Variants in LRP1B observed in about 807,000 individuals in gnomAD.
LRP1B encodes the protein LDL receptor related protein 1B.
LRP1B carries 217 observed loss-of-function variants against 556.6 expected under a neutral mutation model. That is an observed-to-expected ratio of 0.39 (90% CI 0.35 to 0.44). The LOEUF is 0.44. LRP1B is among the 20% of genes least tolerant of loss of function. LRP1B has a pLI of 1.00. For synonymous variants in LRP1B, 2,047 were observed against 1,865.8 expected, an observed-to-expected ratio of 1.10 and a Z score of -2.50; for missense variants, 5,053 against 5,620.8, an observed-to-expected ratio of 0.90 and a Z score of 3.23.
At chr2:141,586,640 A>T (rs1010683903) in intron 2 of LRP1B, among the ~76,000 whole-genome samples, 2 of 152,100 alleles carry the variant, frequency 1.3e-5, no homozygotes, top group African/African-American at 4.8e-5. Flanking sequence ...AATTCCAAGT[A>T]TGCATTAAAG....
At chr2:141,400,699 G>GT (rs1364105113) in intron 3 of LRP1B, among the ~76,000 whole-genome samples, 4 of 152,060 alleles carry the variant, frequency 2.6e-5, no homozygotes, top group Non-Finnish European at 4.4e-5. Flanking sequence ...TAAAAAATCA[G>GT]TATCTTTTTA....
intron 1 of LRP1B, among the ~76,000 whole-genome samples, chr2:141,945,931 GATTTATTTATTTATTT>G (rs140141783): frequency 6.6e-6 from 1 of 150,920 alleles, no homozygotes; most frequent in Non-Finnish European, 1.5e-5. Context: ...AAACCAGCAG[GATTTATTTATTTATTT>G]ATTTATTTAT....
chr2:141,076,709 T>C (rs2104872010), intron 7 of LRP1B, among the ~76,000 whole-genome samples: 1 of 152,320 alleles, frequency 6.6e-6, no homozygotes, highest in Middle Eastern at 3.4e-3. Flanking sequence ...TCCCTGGCTG[T>C]TTATTAATTT....
At chr2:140,681,982 T>C (rs1685875537) in intron 41 of LRP1B, among the ~76,000 whole-genome samples, 2 of 152,254 alleles carry the variant, frequency 1.3e-5, no homozygotes, top group African/African-American at 4.8e-5. Flanking sequence ...TGTAACTATA[T>C]GCCACATTCT....
At chr2:141,126,085 G>A (rs1334012578) in intron 7 of LRP1B, among the ~76,000 whole-genome samples, 3 of 151,092 alleles carry the variant, frequency 2.0e-5, no homozygotes, top group Non-Finnish European at 2.9e-5. Context: ...AGGCTGGAGT[G>A]CAATGGCAAG....
chr2:140,368,262 A>G (rs985166602), intron 71 of LRP1B, among the ~76,000 whole-genome samples: 2 of 151,876 alleles, frequency 1.3e-5, no homozygotes, highest in Non-Finnish European at 2.9e-5. Context: ...ATAGAAAAGT[A>G]TATATGAATT....
At chr2:142,098,704 A>G (rs978654280) in intron 1 of LRP1B, among the ~76,000 whole-genome samples, 1 of 151,822 alleles carries the variant, frequency 6.6e-6, no homozygotes, top group African/African-American at 2.4e-5. Flanking sequence ...AGAACAGTAG[A>G]GCCAGAATAA....
At chr2:141,773,427 G>A (rs1265743710) in intron 2 of LRP1B, among the ~76,000 whole-genome samples, 3 of 152,158 alleles carry the variant, frequency 2.0e-5, no homozygotes, top group Non-Finnish European at 2.9e-5. Context: ...GGTCAAGTAC[G>A]GTTTCCTGCA....
At chr2:141,594,017 C>T (rs553253896) in intron 2 of LRP1B, among the ~76,000 whole-genome samples, 1 of 152,156 alleles carries the variant, frequency 6.6e-6, no homozygotes, top group South Asian at 2.1e-4. Context: ...TTTATATACC[C>T]TTTCCTAATT....
intron 3 of LRP1B, among the ~76,000 whole-genome samples, chr2:141,474,698 T>C (rs936361912): frequency 3.2e-4 from 49 of 152,156 alleles, no homozygotes; most frequent in African/African-American, 1.2e-3. Context: ...TCTTTTTTAG[T>C]TTACTGATCA....
At chr2:141,315,390 G>T (rs1269968901) in intron 3 of LRP1B, among the ~76,000 whole-genome samples, 1 of 148,180 alleles carries the variant, frequency 6.7e-6, no homozygotes, top group Non-Finnish European at 1.5e-5. Flanking sequence ...CTCCCAAGTA[G>T]CTGGGACTAC....
At chr2:142,085,682 A>T (rs1336058322) in intron 1 of LRP1B, among the ~76,000 whole-genome samples, 1 of 152,174 alleles carries the variant, frequency 6.6e-6, no homozygotes, top group African/African-American at 2.4e-5. Flanking sequence ...TGAGAGAAAC[A>T]GTTTGCCTAT....
chr2:140,409,260 A>G (rs1332881515), intron 66 of LRP1B, among the ~76,000 whole-genome samples: 2 of 151,916 alleles, frequency 1.3e-5, no homozygotes, highest in African/African-American at 4.8e-5. Flanking sequence ...CTTTATAGGT[A>G]TAAACCTATA....
At chr2:141,575,340 G>A (rs897890668) in intron 2 of LRP1B, among the ~76,000 whole-genome samples, 8 of 152,008 alleles carry the variant, frequency 5.3e-5, no homozygotes, top group East Asian at 1.9e-4. Context: ...CGACAAACCC[G>A]ACAAAAACAA....
At chr2:141,036,545 C>T (rs999709558) in intron 11 of LRP1B, among the ~76,000 whole-genome samples, 2 of 152,040 alleles carry the variant, frequency 1.3e-5, no homozygotes, top group Non-Finnish European at 2.9e-5. Context: ...TAATCTGCCT[C>T]TAGAAAAGGA....
chr2:141,126,551 T>G (rs112743491), intron 7 of LRP1B, among the ~76,000 whole-genome samples: 5 of 152,136 alleles, frequency 3.3e-5, no homozygotes, highest in African/African-American at 9.7e-5. Context: ...TCATTGAAGT[T>G]TTTTTTCTTC....
intron 43 of LRP1B, among the ~76,000 whole-genome samples, chr2:140,572,333 G>A (rs1681353922): frequency 2.0e-5 from 3 of 151,282 alleles, no homozygotes; most frequent in South Asian, 4.2e-4. Context: ...GGGCAAATAA[G>A]CTGAATAGAC....
intron 1 of LRP1B, among the ~76,000 whole-genome samples, chr2:142,048,932 A>G (rs967352859): frequency 3.3e-5 from 5 of 152,084 alleles, no homozygotes; most frequent in Admixed American, 2.6e-4. Context: ...AATTTAACTG[A>G]CTAATTCCCC....
chr2:141,586,782 A>T, intron 2 of LRP1B, among the ~76,000 whole-genome samples: 1 of 152,060 alleles, frequency 6.6e-6, no homozygotes, highest in Non-Finnish European at 1.5e-5. Flanking sequence ...CTCTACTAAA[A>T]ACACAAAAAA....
Sources: allele counts gnomAD v4.1 joint callset (sites outside exome capture counted in the v4.1 genomes callset), GRCh38; gene constraint gnomAD v4.1.1; transcripts MANE v1.5; gene names NCBI Gene and HGNC (gene_info 2026-07-23, HGNC 2026-07-21).